Variants in NBPF9 observed in about 807,000 individuals in gnomAD.
NBPF9 encodes the protein NBPF member 9, also known as NBPF family member NBPF9.
A neutral mutation model predicts 97.8 loss-of-function variants in NBPF9; 91 were observed. The observed-to-expected ratio is 0.93, with a 90% CI of 0.79 to 1.11. The LOEUF (loss-of-function observed/expected upper bound fraction) is 1.11, where lower values mean the gene tolerates loss of function less well. Among genes scored for constraint, NBPF9 ranks in the 50% least tolerant of loss-of-function variants. The pLI, the probability that NBPF9 is intolerant of heterozygous loss-of-function variation, is 0.00. For synonymous variants in NBPF9, 334 were observed against 359.5 expected, an observed-to-expected ratio of 0.93 and a Z score of 0.80; for missense variants, 992 against 939.5, an observed-to-expected ratio of 1.06 and a Z score of -0.73.
At chr1:149,075,771 A>G (rs1170986939) in exon 12 of NBPF9, 18 of 1,583,682 alleles carry the variant, frequency 1.1e-5, no homozygotes, top group Non-Finnish European at 1.5e-5. Flanking sequence ...TTTCTCATTG[A>G]TTTCTAGAAT....
chr1:149,079,787 A>T (rs1202364129), intron 8 of NBPF9, among the ~76,000 whole-genome samples: 4 of 151,950 alleles, frequency 2.6e-5, no homozygotes, highest in Non-Finnish European at 5.9e-5. Flanking sequence ...GGTGGTTCCC[A>T]CTCCTTTGGT....
rs1263982942 is a variant in NBPF9 at position 149,103,333 on chromosome 1, CGTAA to C, written c.-879_-876del. 2.0e-5 allele frequency: 3 copies of C among 152,034 alleles called. No homozygotes were observed. The highest frequency in any genetic ancestry group is 4.4e-5 in the Non-Finnish European group (3 of 68,016). The allele number at this position is 152,034 out of a possible 1,614,324, so 9.4% of individuals were successfully genotyped here. ...ACGCTGGGTGGACTTCGCTGTAAAC[CGTAA>C]CTTCCCATCCAGACGGCAGCCGCGC... is the stretch of plus-strand genomic sequence containing the variant. On this transcript the variant is annotated 5_prime_UTR_variant, in exon 1 of 30. It introduces an in-frame stop codon into an upstream open reading frame of the 5' UTR. Coordinates refer to ENST00000584027, the Ensembl canonical transcript of NBPF9.
chr1:149,058,932 G>A lies in NBPF9; in HGVS notation c.2751C>T (p.Asp917=), dbSNP rs1286403908. Residue 917 remains aspartate, a synonymous_variant, in exon 26 of 30, where the codon GAC becomes GAT. Coordinates refer to ENST00000584027, the Ensembl canonical transcript of NBPF9. ...TCATAGTAAGGTACTCACTGTCCAC[G>A]TCAAGAGCCAAGCCAAGGTACTGTT... 3.5e-5 allele frequency: 17 copies of A among 482,886 alleles called. 1 individual carries two copies. In the East Asian group the frequency reaches 3.7e-4, roughly 10 times the overall value. 29.9% of individuals were successfully genotyped at this position (482,886 alleles called of 1,614,324 possible).
chr1:149,063,566 C>A lies in NBPF9; in HGVS notation c.2026+67G>T. On this transcript the variant is annotated intron_variant, in intron 20 of 29. Coordinates refer to ENST00000584027, the Ensembl canonical transcript of NBPF9. ...CTCTCAGCTCAGTAACGGCCACTTGCAGTAGGAATATGACCCTAACCAGAA... is the reference window on the plus strand; with the variant it reads ...CTCTCAGCTCAGTAACGGCCACTTGAAGTAGGAATATGACCCTAACCAGAA... 4 of 646,890 alleles carry A rather than the reference C, an allele frequency of 6.2e-6. 1 individual carries two copies. Among genetic ancestry groups the A allele is most frequent in the Non-Finnish European group, 8.2e-6 (3 of 364,766 alleles). 40.1% of individuals were successfully genotyped at this position (646,890 alleles called of 1,614,324 possible).
intron 9 of NBPF9, 106 bp from the exon 10 acceptor site, chr1:149,078,061 G>A (rs2080064068): frequency 1.1e-6 from 1 of 936,830 alleles, no homozygotes; most frequent in African/African-American, 1.6e-5. Flanking sequence ...GTTCAGCATT[G>A]TACTGAAAAC....
intron 10 of NBPF9, 84 bp downstream of exon 10, chr1:149,077,799 C>T (rs1487846142): frequency 6.3e-7 from 1 of 1,576,926 alleles, no homozygotes; most frequent in Non-Finnish European, 8.7e-7. Flanking sequence ...GCTTTTGGCC[C>T]ACCATAGATG....
chr1:149,099,389 A>G (rs1341182350), intron 3 of NBPF9, among the ~76,000 whole-genome samples: 1 of 152,000 alleles, frequency 6.6e-6, no homozygotes, highest in Non-Finnish European at 1.5e-5. Context: ...AAGCTATTTT[A>G]TTTGTTAGAT....
At chr1:149,080,405 C>A (rs1350124725) in intron 7 of NBPF9, among the ~76,000 whole-genome samples, 2 of 150,700 alleles carry the variant, frequency 1.3e-5, no homozygotes, top group African/African-American at 4.9e-5. Context: ...TCAACCACAA[C>A]GAAGTGGAGT....
At chr1:149,072,419 ACT>A (rs1371459981) in intron 14 of NBPF9, among the ~76,000 whole-genome samples, 1 of 152,068 alleles carries the variant, frequency 6.6e-6, no homozygotes, top group Admixed American at 6.6e-5. Context: ...AGCTCTTTTC[ACT>A]CTAACAAGCC....
intron 12 of NBPF9, among the ~76,000 whole-genome samples, chr1:149,074,208 C>T (rs587762774): frequency 1.3e-5 from 2 of 151,618 alleles, no homozygotes; most frequent in East Asian, 1.9e-4. Flanking sequence ...CTCTAAAACA[C>T]TGCACTGGGG....
chr1:149,079,049 C>T, exon 9 of NBPF9: 3 of 1,514,914 alleles, frequency 2.0e-6, no homozygotes, highest in Non-Finnish European at 1.8e-6. Context: ...AGTCTACACC[C>T]CTCAGCCAGC....
rs1407721970 is a variant in NBPF9 at position 149,100,620 on chromosome 1, C to A, written c.-606+642G>T. Among the ~76,000 whole-genome samples, 10 of 152,068 alleles carry A rather than the reference C, an allele frequency of 6.6e-5. No homozygotes were observed. In the East Asian group the frequency reaches 1.8e-3, roughly 27 times the overall value. ...TTTCAATAAATGGTGCTGGATCAAGCAGACACATCCATGTAGTAAAAAGTG... is the reference window on the plus strand; with the variant it reads ...TTTCAATAAATGGTGCTGGATCAAGAAGACACATCCATGTAGTAAAAAGTG... On this transcript the variant is annotated intron_variant, in intron 3 of 29. Transcript: ENST00000584027.
At chr1:149,102,484 G>A (rs1553245148) in intron 2 of NBPF9, among the ~76,000 whole-genome samples, 6,245 of 151,818 alleles carry the variant, frequency 0.041, 451 homozygotes, top group African/African-American at 0.14. Context: ...TCATTCTTTC[G>A]GCAAAGAAAG....
exon 7 of NBPF9, chr1:149,082,109 C>T (rs781877605): frequency 8.7e-6 from 14 of 1,611,476 alleles, no homozygotes; most frequent in Middle Eastern, 4.2e-4. Context: ...TCTGCCTTCT[C>T]GCTGGACCAA....
intron 5 of NBPF9, among the ~76,000 whole-genome samples, chr1:149,085,434 G>A (rs1197044419): frequency 1.3e-5 from 2 of 152,048 alleles, no homozygotes; most frequent in African/African-American, 2.4e-5. Context: ...ATATCGACTT[G>A]CTTATTCTAG....
chr1:149,062,435 A>T (rs2152872290), intron 21 of NBPF9, among the ~76,000 whole-genome samples, 170 bp from the exon 22 acceptor site: 1 of 144,128 alleles, frequency 6.9e-6, no homozygotes, highest in South Asian at 2.2e-4. Flanking sequence ...GGTCAGGTGG[A>T]AAAGAATGAA....
intron 17 of NBPF9, chr1:149,066,667 G>A (rs1173755780): frequency 8.6e-5 from 7 of 81,826 alleles, no homozygotes; most frequent in Admixed American, 3.8e-4. Flanking sequence ...AAGATTAGAC[G>A]AATGGCTAAC....
intron 27 of NBPF9, among the ~76,000 whole-genome samples, chr1:149,057,753 A>ACACT (rs1575821192): frequency 1.2e-5 from 1 of 80,120 alleles, no homozygotes; most frequent in Non-Finnish European, 2.5e-5. Flanking sequence ...ACACACACAC[A>ACACT]GAGAGAGAGA....
At chr1:149,081,144 G>A (rs1376183000) in intron 7 of NBPF9, among the ~76,000 whole-genome samples, 14 of 151,890 alleles carry the variant, frequency 9.2e-5, no homozygotes, top group Non-Finnish European at 5.9e-5. Context: ...GTTTTTTGAC[G>A]AGTCTTGCCC....
Sources: gnomAD v4.1 joint callset for allele counts (sites outside exome capture counted in the v4.1 genomes callset) on GRCh38, gnomAD v4.1.1 for gene constraint, MANE v1.5 for transcripts, NCBI Gene and HGNC (gene_info 2026-07-23, HGNC 2026-07-21) for gene names.